The following ROPN1B variants were observed in gnomAD, a reference collection of about 807,000 sequenced individuals.
ROPN1B encodes the protein rhophilin associated tail protein 1B, also known as ropporin-1B.
In ROPN1B, 13 loss-of-function variants were observed where a neutral mutation model predicts 23.7. That is an observed-to-expected ratio of 0.55 (90% CI 0.36 to 0.87). The LOEUF is 0.87. ROPN1B is among the 40% of genes least tolerant of loss of function. The pLI, the probability that ROPN1B is intolerant of heterozygous loss-of-function variation, is 0.01. For synonymous variants in ROPN1B, 67 were observed against 100.4 expected (o/e 0.67, Z 1.99); for missense variants, 183 against 249.2 (o/e 0.73, Z 1.79).
intron 2 of ROPN1B, 135 bp downstream of exon 2, chr3:125,971,297 G>T (rs549570335): frequency 1.7e-4 from 26 of 152,220 alleles, no homozygotes; most frequent in African/African-American, 6.0e-4. Flanking sequence ...GATTTGTCTG[G>T]CCTCTAGGTG....
At chr3:125,983,026 A>C (rs1189593637) in intron 6 of ROPN1B, among the ~76,000 whole-genome samples, 2 of 152,106 alleles carry the variant, frequency 1.3e-5, no homozygotes, top group East Asian at 3.9e-4. Context: ...TGTCTGTATC[A>C]GTTAATTGGG....
chr3:125,970,367 T>C (rs1348024614), intron 1 of ROPN1B, among the ~76,000 whole-genome samples: 1 of 152,142 alleles, frequency 6.6e-6, no homozygotes, highest in Non-Finnish European at 1.5e-5. Flanking sequence ...AGAAACCCTC[T>C]GAGATTCTGC....
intron 3 of ROPN1B, 189 bp downstream of exon 3, chr3:125,972,359 T>C (rs1938247064): frequency 1.6e-6 from 1 of 628,868 alleles, no homozygotes; most frequent in Non-Finnish European, 2.8e-6. Flanking sequence ...CGGGCAAGGA[T>C]GGGATGCCTC....
rs752221407 is a variant in ROPN1B at position 125,972,166 on chromosome 3, G to T, written c.112G>T (p.Ala38Ser). 2 of 1,614,058 alleles carry T rather than the reference G, an allele frequency of 1.2e-6. No individual in the cohort carries two copies. Among genetic ancestry groups the T allele is most frequent in the Admixed American group, 1.7e-5 (1 of 60,010 alleles). ...GCCGCAGGACCTCATCCAGTGGGGG[G>T]CCGAGTACGTGCTCCTTTCTCGCCT... ...AQPQDLIQWG[A>S]DYFEALSRGE... Residue 38 changes from alanine (A) to serine (S), a missense_variant, in exon 3 of 7, where the codon GCC becomes TCC. Transcript: ENST00000514116.
intron 5 of ROPN1B, among the ~76,000 whole-genome samples, chr3:125,979,246 G>A (rs1938526483): frequency 6.6e-6 from 1 of 151,286 alleles, no homozygotes; most frequent in Non-Finnish European, 1.5e-5. Context: ...GGTGCCCTAT[G>A]AATCCAGTAA....
intron 2 of ROPN1B, among the ~76,000 whole-genome samples, chr3:125,971,568 A>G (rs1176564543): frequency 3.3e-5 from 5 of 152,224 alleles, no homozygotes; most frequent in Non-Finnish European, 7.3e-5. Context: ...TTTATATGGA[A>G]ATAACCTAAT....
chr3:125,975,368 G>A (rs929075333), intron 3 of ROPN1B, 195 bp from the exon 4 acceptor site: 9 of 460,028 alleles, frequency 2.0e-5, no homozygotes, highest in Non-Finnish European at 3.4e-5. Context: ...AGCATTCTCT[G>A]TGCCCTAAGT....
chr3:125,972,555 C>G (rs1938253864), intron 3 of ROPN1B: 2 of 429,474 alleles, frequency 4.7e-6, no homozygotes, highest in Admixed American at 3.9e-5. Context: ...TTTCTTCATT[C>G]TCCTGTCTCA....
chr3:125,974,176 C>T (rs1938316095), intron 3 of ROPN1B, among the ~76,000 whole-genome samples: 1 of 152,186 alleles, frequency 6.6e-6, no homozygotes, highest in African/African-American at 2.4e-5. Context: ...GTGTCTCTGT[C>T]CCTCCCATTT....
At chr3:125,976,927 G>A (rs1158098456) in intron 4 of ROPN1B, 77 bp from the exon 5 acceptor site, 3 of 696,730 alleles carry the variant, frequency 4.3e-6, no homozygotes, top group East Asian at 2.7e-5. Flanking sequence ...GACCTGGCCT[G>A]GGGACAGGGT....
At chr3:125,979,550 G>T (rs1000888964) in intron 5 of ROPN1B, among the ~76,000 whole-genome samples, 1 of 152,146 alleles carries the variant, frequency 6.6e-6, no homozygotes, top group Non-Finnish European at 1.5e-5. Flanking sequence ...CAAATCTGCT[G>T]GCACCTTGGT....
At chr3:125,976,759 G>A in intron 4 of ROPN1B, 1 of 703,670 alleles carries the variant, frequency 1.4e-6, no homozygotes, top group Non-Finnish European at 2.6e-6. Flanking sequence ...TAATATAAAT[G>A]TATATCTTTT....
intron 3 of ROPN1B, 35 bp downstream of exon 3, chr3:125,972,205 GA>G: frequency 6.2e-7 from 1 of 1,609,594 alleles, no homozygotes; most frequent in African/African-American, 1.3e-5. Flanking sequence ...TCTCTTGGAG[GA>G]CGGGCGGGGA....
At chr3:125,979,706 T>C in intron 5 of ROPN1B, among the ~76,000 whole-genome samples, 1 of 152,188 alleles carries the variant, frequency 6.6e-6, no homozygotes. Flanking sequence ...CATATATCCT[T>C]AGAGGCAAGC....
At chr3:125,981,969 C>T (rs1938623817) in intron 5 of ROPN1B, among the ~76,000 whole-genome samples, 1 of 152,108 alleles carries the variant, frequency 6.6e-6, no homozygotes, top group Non-Finnish European at 1.5e-5. Flanking sequence ...CAACTTCCCT[C>T]CTTTAGTGAG....
At chr3:125,980,894 G>C (rs1938589804) in intron 5 of ROPN1B, among the ~76,000 whole-genome samples, 1 of 152,076 alleles carries the variant, frequency 6.6e-6, no homozygotes, top group African/African-American at 2.4e-5. Flanking sequence ...ATATATACTT[G>C]TTAGCCCCAT....
intron 5 of ROPN1B, among the ~76,000 whole-genome samples, chr3:125,979,341 T>C (rs927226067): frequency 1.4e-4 from 21 of 152,194 alleles, no homozygotes; most frequent in African/African-American, 5.1e-4. Flanking sequence ...AGTGTGAATG[T>C]TTGTGTCCTC....
intron 6 of ROPN1B, 70 bp downstream of exon 6, chr3:125,982,515 T>G: frequency 7.6e-7 from 1 of 1,324,292 alleles, no homozygotes; most frequent in Non-Finnish European, 1.0e-6. Flanking sequence ...CAAGACAGAG[T>G]GAGATTATTG....
chr3:125,980,865 C>T (rs1441227030), intron 5 of ROPN1B, among the ~76,000 whole-genome samples: 1 of 152,126 alleles, frequency 6.6e-6, no homozygotes, highest in Non-Finnish European at 1.5e-5. Context: ...CATGACTTAC[C>T]ATCCTCCCAG....
Sources: gnomAD v4.1 joint callset for allele counts (sites outside exome capture counted in the v4.1 genomes callset) on GRCh38, gnomAD v4.1.1 for gene constraint, MANE v1.5 for transcripts, NCBI Gene and HGNC (gene_info 2026-07-23, HGNC 2026-07-21) for gene names.